LRIG1: variants seen among roughly 807,000 people sequenced by gnomAD.
LRIG1 encodes leucine rich repeats and immunoglobulin like domains 1, also known as leucine-rich repeats and immunoglobulin-like domains protein 1.
Under a neutral mutation model 99.2 loss-of-function variants are expected in LRIG1, and 48 were observed. The observed-to-expected ratio is 0.48, with a 90% confidence interval of 0.38 to 0.62. The LOEUF (loss-of-function observed/expected upper bound fraction) is 0.62. Among genes scored for constraint, LRIG1 ranks in the 20% least tolerant of loss-of-function variants. LRIG1 has a pLI of 0.00. For synonymous variants in LRIG1, 772 were observed against 596.1 expected (o/e 1.29, Z -4.30); for missense variants, 1,646 against 1,434.4 (o/e 1.15, Z -2.38).
rs1187287814 is a variant in LRIG1, at chr3:66,412,939, C to T, written c.723G>A (p.Lys241=). ...GTTTGCTGATGTTGTTTCGCTGAAG[C>T]TTCAGCACCTCCAAGCTGTTGAGCC... The part of the protein sequence containing the change: ...FQGLNSLEVL[K]LQRNNISKLT... The change falls in exon 6 of 19, where the codon AAG becomes AAA. Residue 241 remains lysine (K), a synonymous_variant. Transcript: ENST00000273261. The T allele has an allele frequency of 6.2e-7, 1 of 1,614,248 alleles. No homozygotes were observed. The highest frequency in any genetic ancestry group is 8.5e-7 in the Non-Finnish European group (1 of 1,180,044).
At position 66,388,176 on chromosome 3, in the gene LRIG1, A is replaced by T. The variant is rs528210709; in HGVS notation, c.1469-1875T>A. The T allele has an allele frequency of 2.0e-5, 3 of 151,190 alleles. No homozygotes were observed. In the South Asian group the frequency reaches 6.3e-4, roughly 32 times the overall value. 9.4% of individuals were successfully genotyped at this position (151,190 alleles called of 1,614,324 possible). ...TTTTATAGCAATAAAGAGAAATTATAGATATGAACCAAGTAGAAATTTTGA... is the reference window on the plus strand; with the variant it reads ...TTTTATAGCAATAAAGAGAAATTATTGATATGAACCAAGTAGAAATTTTGA... On this transcript the variant is annotated intron_variant, in intron 12 of 18. Transcript: ENST00000273261.
intron 12 of LRIG1, among the ~76,000 whole-genome samples, chr3:66,388,954 T>C (rs1203152893): frequency 6.6e-6 from 1 of 152,158 alleles, no homozygotes; most frequent in Admixed American, 6.5e-5. Flanking sequence ...ACTACACAGG[T>C]AATACAACAC....
In LRIG1 at chr3:66,474,187, C is replaced by T. The variant is rs371333435; in HGVS notation, c.219-11678G>A. On this transcript the variant is annotated intron_variant, in intron 1 of 18. Transcript: ENST00000273261. ...AGCAGAAAATAGCAGATGCTGCATG[C>T]GACCTCCATCCTTGAACATACTAAA... Among the ~76,000 whole-genome samples the T allele has an allele frequency of 2.3e-4, 35 of 152,240 alleles. 1 individual carries two copies. The highest frequency in any genetic ancestry group is 1.0e-3 in the South Asian group (5 of 4,824).
intron 3 of LRIG1, among the ~76,000 whole-genome samples, chr3:66,447,186 C>T (rs1703758898): frequency 6.6e-6 from 1 of 152,092 alleles, no homozygotes; most frequent in Non-Finnish European, 1.5e-5. Flanking sequence ...ATGGGGCATC[C>T]ATGCCCTCAA....
At chr3:66,402,288 A>G (rs776807052) in intron 9 of LRIG1, among the ~76,000 whole-genome samples, 1 of 152,184 alleles carries the variant, frequency 6.6e-6, no homozygotes, top group African/African-American at 2.4e-5. Context: ...GGAACCGCAC[A>G]ACCATTTGGA....
intron 12 of LRIG1, chr3:66,386,586 C>A (rs1388469661): frequency 8.0e-6 from 3 of 373,620 alleles, no homozygotes; most frequent in Non-Finnish European, 1.5e-5. Flanking sequence ...CCGGCAGTTT[C>A]CTTAAGACAA....
At chr3:66,477,989 G>C (rs1700761846) in intron 1 of LRIG1, among the ~76,000 whole-genome samples, 1 of 152,254 alleles carries the variant, frequency 6.6e-6, no homozygotes, top group South Asian at 2.1e-4. Flanking sequence ...ACAAACACAC[G>C]ACACACAGCC....
intron 3 of LRIG1, among the ~76,000 whole-genome samples, chr3:66,432,307 C>T (rs1358823202): frequency 6.6e-6 from 1 of 152,198 alleles, no homozygotes; most frequent in Non-Finnish European, 1.5e-5. Flanking sequence ...AGCCCTGGTG[C>T]TTCTGCGGCC....
At chr3:66,391,681 A>G (rs576596990) in intron 12 of LRIG1, among the ~76,000 whole-genome samples, 42 of 152,322 alleles carry the variant, frequency 2.8e-4, no homozygotes, top group African/African-American at 9.6e-4. Flanking sequence ...ATGTTCTAAA[A>G]TTAGATAATA....
Position 66,379,363 on chromosome 3 carries a change from CTCATTATATTGGCAAAACGAAAACA to C in LRIG1, c.*875_*899del, listed in dbSNP as rs1182761022. 3 of 152,302 alleles carry C rather than the reference CTCATTATATTGGCAAAACGAAAACA, an allele frequency of 2.0e-5. No individual in the cohort carries two copies. Among genetic ancestry groups the C allele is most frequent in the African/African-American group, 7.2e-5 (3 of 41,434 alleles). 9.4% of individuals were successfully genotyped at this position (152,302 alleles called of 1,614,324 possible). A position where few individuals can be genotyped will look rare whatever the true frequency, so the allele number is the denominator to read the frequency against. ...TCTGTCCCCCAAGGCCAATGTAATA[CTCATTATATTGGCAAAACGAAAACA>C]TCAGTATAGAAAAATCCACAGGTAC... On this transcript the variant is annotated 3_prime_UTR_variant, in exon 19 of 19. Coordinates refer to ENST00000273261, the MANE Select transcript of LRIG1 (RefSeq NM_015541.3).
At chr3:66,429,487 T>C (rs778483027) in intron 3 of LRIG1, among the ~76,000 whole-genome samples, 7 of 152,220 alleles carry the variant, frequency 4.6e-5, no homozygotes, top group Non-Finnish European at 8.8e-5. Context: ...CTACCAATTG[T>C]ATGATTCCAA....
intron 6 of LRIG1, among the ~76,000 whole-genome samples, chr3:66,412,651 C>T (rs1026613638): frequency 6.6e-6 from 1 of 152,256 alleles, no homozygotes; most frequent in Non-Finnish European, 1.5e-5. Flanking sequence ...GTGCCCCACT[C>T]CATGCCCAGT....
intron 3 of LRIG1, among the ~76,000 whole-genome samples, chr3:66,442,874 C>T (rs541941419): frequency 2.0e-5 from 3 of 152,308 alleles, no homozygotes; most frequent in Admixed American, 2.0e-4. Context: ...CTCGGCTCCC[C>T]CAACCCCACA....
chr3:66,499,534 A>C (rs9848259), intron 1 of LRIG1, among the ~76,000 whole-genome samples: 5,289 of 152,242 alleles, frequency 0.035, 309 homozygotes, highest in African/African-American at 0.12. Flanking sequence ...CCCAGCACTC[A>C]CAGGTCGCCA....
At chr3:66,415,252 G>A (rs2085603956) in intron 4 of LRIG1, among the ~76,000 whole-genome samples, 189 bp from the exon 5 acceptor site, 1 of 152,176 alleles carries the variant, frequency 6.6e-6, no homozygotes, top group Admixed American at 6.5e-5. Flanking sequence ...TGTTAGGACT[G>A]TGCACCTAAG....
intron 1 of LRIG1, among the ~76,000 whole-genome samples, chr3:66,478,961 C>G (rs1316844349): frequency 6.6e-6 from 1 of 152,176 alleles, no homozygotes; most frequent in Non-Finnish European, 1.5e-5. Flanking sequence ...CACTGCAGGC[C>G]TCGGCTCCCT....
At chr3:66,425,376 C>G (rs1702946816) in intron 3 of LRIG1, among the ~76,000 whole-genome samples, 1 of 152,206 alleles carries the variant, frequency 6.6e-6, no homozygotes. Flanking sequence ...GTGTGAGAAG[C>G]AAATGTGCAC....
At chr3:66,383,948 T>TCACACACAAACACA (rs1553711091) in intron 14 of LRIG1, 43 bp downstream of exon 14, 3 of 1,520,814 alleles carry the variant, frequency 2.0e-6, no homozygotes, top group Admixed American at 1.8e-5. Flanking sequence ...TCTCTCTCGC[T>TCACACACAAACACA]CACACACACA....
At chr3:66,421,981 T>C (rs6548941) in intron 3 of LRIG1, among the ~76,000 whole-genome samples, 118,821 of 152,182 alleles carry the variant, frequency 0.78, 47,318 homozygotes, top group Non-Finnish European at 0.85. Context: ...CTTCCACCCT[T>C]TGAAGCCATG....
Sources: allele counts gnomAD v4.1 joint callset (sites outside exome capture counted in the v4.1 genomes callset), GRCh38; gene constraint gnomAD v4.1.1; transcripts MANE v1.5; gene names NCBI Gene and HGNC (gene_info 2026-07-23, HGNC 2026-07-21).